The following DCC variants were observed in gnomAD, a reference collection of about 807,000 sequenced individuals.
DCC encodes netrin receptor DCC.
DCC carries 58 observed loss-of-function variants against 172.5 expected under a neutral mutation model. The ratio of observed to expected loss-of-function variants is 0.34; its 90% CI spans 0.27 to 0.42. The LOEUF is 0.42. Ranked by LOEUF, DCC falls within the 10% of genes least tolerant of loss-of-function variation. DCC has a pLI of 1.00. For missense variants in DCC, 1,740 were observed against 1,791.0 expected (o/e 0.97, Z 0.51); for synonymous variants, 709 against 644.5 (o/e 1.10, Z -1.52).
At chr18:53,457,310 G>A (rs1052544540) in intron 23 of DCC, among the ~76,000 whole-genome samples, 1 of 152,184 alleles carries the variant, frequency 6.6e-6, no homozygotes, top group South Asian at 2.1e-4. Flanking sequence ...ATGGAAACTA[G>A]CAAATAAATG....
chr18:53,420,398 ACTT>A (rs1910577385), intron 21 of DCC, among the ~76,000 whole-genome samples: 1 of 152,098 alleles, frequency 6.6e-6, no homozygotes, highest in African/African-American at 2.4e-5. Flanking sequence ...TGATCCTGAC[ACTT>A]CTTTATTTCA....
At position 52,610,164 on chromosome 18, in the gene DCC, AAAAAAAAAAAAAAAATATATATAT is replaced by A. The variant is rs1300329252; in HGVS notation, c.92-141888_92-141865del. ...CCCCATCTCTCATAAAAAAAAAAAA[AAAAAAAAAAAAAAAATATATATAT>A]ATATATATATATATATATATATATA... is the stretch of plus-strand genomic sequence containing the variant. On this transcript the variant is annotated intron_variant, in intron 1 of 28. Coordinates refer to ENST00000442544, the MANE Select transcript of DCC (RefSeq NM_005215.4). Among the ~76,000 whole-genome samples, 168 of 22,354 alleles carry A rather than the reference AAAAAAAAAAAAAAAATATATATAT, an allele frequency of 7.5e-3. 5 individuals are homozygous for A. The highest frequency in any genetic ancestry group is 7.8e-3 in the Non-Finnish European group (108 of 13,798). 14.7% of individuals were successfully genotyped at this position (22,354 alleles called of 152,430 possible).
chr18:53,010,776 T>C (rs7243470), intron 5 of DCC, among the ~76,000 whole-genome samples: 6 of 150,976 alleles, frequency 4.0e-5, no homozygotes, highest in African/African-American at 1.5e-4. Context: ...AAATACTCTT[T>C]ACATTACACA....
Position 52,662,886 on chromosome 18 carries a change from G to A in DCC, c.92-89168G>A, listed in dbSNP as rs566250721. On this transcript the variant is annotated intron_variant, in intron 1 of 28. Coordinates refer to ENST00000442544, the MANE Select transcript of DCC (RefSeq NM_005215.4). The stretch of plus-strand genomic sequence containing the variant: ...GTCCTCATGTGGTGGAAGTGACAAT[G>A]CAACTCACTGGGTTTATTTTATAAG... Among the ~76,000 whole-genome samples, 7 of 152,244 alleles carry A rather than the reference G, an allele frequency of 4.6e-5. No individual in the cohort carries two copies. The East Asian group carries it at 1.4e-3, about 29-fold the overall frequency.
chr18:52,817,095 ATTAT>A (rs749413448), intron 2 of DCC, among the ~76,000 whole-genome samples: 4 of 152,152 alleles, frequency 2.6e-5, no homozygotes, highest in Middle Eastern at 3.2e-3. Flanking sequence ...CTTGATCCAA[ATTAT>A]TTATTGTTGA....
At chr18:52,748,963 G>A (rs930847780) in intron 1 of DCC, among the ~76,000 whole-genome samples, 2 of 152,220 alleles carry the variant, frequency 1.3e-5, no homozygotes, top group Non-Finnish European at 2.9e-5. Flanking sequence ...TCGGGAGGCT[G>A]AGGCAGGTGG....
chr18:52,638,258 G>A (rs112796597), intron 1 of DCC, among the ~76,000 whole-genome samples: 4,717 of 149,938 alleles, frequency 0.031, 232 homozygotes, highest in African/African-American at 0.11. Context: ...AAAAATACCA[G>A]TTAAAAAGCA....
chr18:53,254,289 A>C (rs2056477406), intron 12 of DCC, among the ~76,000 whole-genome samples: 1 of 152,072 alleles, frequency 6.6e-6, no homozygotes, highest in Non-Finnish European at 1.5e-5. Context: ...CACACTTGAA[A>C]GAAGATAATG....
chr18:52,461,763 TGTG>T (rs1988638494), intron 1 of DCC, among the ~76,000 whole-genome samples: 1 of 152,104 alleles, frequency 6.6e-6, no homozygotes, highest in Admixed American at 6.6e-5. Context: ...AAGATTTATT[TGTG>T]GTGATCTCCT....
chr18:52,383,395 A>G (rs1232391924), intron 1 of DCC, among the ~76,000 whole-genome samples: 1 of 152,028 alleles, frequency 6.6e-6, no homozygotes, highest in Non-Finnish European at 1.5e-5. Flanking sequence ...TTTTTATGTG[A>G]TGGTTAGACA....
chr18:53,259,613 A>G (rs2056568883), intron 12 of DCC, among the ~76,000 whole-genome samples: 1 of 150,756 alleles, frequency 6.6e-6, no homozygotes, highest in Non-Finnish European at 1.5e-5. Flanking sequence ...TTTGTGGGTA[A>G]CCTGACCTTT....
intron 5 of DCC, among the ~76,000 whole-genome samples, chr18:52,941,463 C>A (rs2040461615): frequency 6.7e-6 from 1 of 149,432 alleles, no homozygotes; most frequent in Non-Finnish European, 1.5e-5. Context: ...TTTAAATATT[C>A]TTTAACATAC....
chr18:52,449,680 C>T (rs967610865), intron 1 of DCC, among the ~76,000 whole-genome samples: 2 of 152,168 alleles, frequency 1.3e-5, no homozygotes, highest in Non-Finnish European at 2.9e-5. Context: ...GGGGTGTCCC[C>T]ACCCAAATCT....
intron 1 of DCC, among the ~76,000 whole-genome samples, chr18:52,415,096 T>C (rs1986973598): frequency 1.3e-5 from 2 of 152,230 alleles, no homozygotes; most frequent in African/African-American, 4.8e-5. Context: ...CTGAGATTTT[T>C]TCATTATCAT....
At chr18:53,432,123 T>A (rs1357698866) in intron 21 of DCC, among the ~76,000 whole-genome samples, 1 of 152,174 alleles carries the variant, frequency 6.6e-6, no homozygotes, top group Non-Finnish European at 1.5e-5. Flanking sequence ...AATAATACTT[T>A]TGATAAGAAT....
chr18:52,953,000 CAAAAA>C lies in DCC; in HGVS notation c.985+27654_985+27658del, dbSNP rs11315976. ...GCACCACAGTAAGACTCTCCTGTCT[CAAAAA>C]AAAAAAAAAAAAAAAAAAAAAAACT... is the stretch of plus-strand genomic sequence containing the variant. On this transcript the variant is annotated intron_variant, in intron 5 of 28. Coordinates refer to ENST00000442544, the MANE Select transcript of DCC (RefSeq NM_005215.4). Among the ~76,000 whole-genome samples, 66 of 52,218 alleles carry C rather than the reference CAAAAA, an allele frequency of 1.3e-3. 1 individual carries two copies. The highest frequency in any genetic ancestry group is 2.9e-3 in the African/African-American group (35 of 12,260). 34.3% of individuals were successfully genotyped at this position (52,218 alleles called of 152,430 possible).
rs182520066 is a variant in DCC, at chr18:53,169,384, C to T, written c.1419-9578C>T. Among the ~76,000 whole-genome samples, 4 of 152,308 alleles carry T rather than the reference C, an allele frequency of 2.6e-5. No individual in the cohort carries two copies. The East Asian group carries it at 7.7e-4, about 29-fold the overall frequency. On this transcript the variant is annotated intron_variant, in intron 8 of 28. Coordinates refer to ENST00000442544, the MANE Select transcript of DCC (RefSeq NM_005215.4). ...AAAGTCCAAGTGGACAAGTTGTCTA[C>T]AGACTTTTTAGCATGAGGAATCAGA...
At chr18:52,948,381 C>T (rs954456120) in intron 5 of DCC, among the ~76,000 whole-genome samples, 22 of 151,986 alleles carry the variant, frequency 1.4e-4, no homozygotes, top group African/African-American at 5.3e-4. Flanking sequence ...GAGCTTCTAT[C>T]ATTATGAATG....
chr18:52,790,201 A>G (rs1434336755), intron 2 of DCC, among the ~76,000 whole-genome samples: 3 of 152,214 alleles, frequency 2.0e-5, no homozygotes, highest in Non-Finnish European at 4.4e-5. Flanking sequence ...GGAAGCCTGT[A>G]GCCAAGTTTG....
Sources: gnomAD v4.1 joint callset for allele counts (sites outside exome capture counted in the v4.1 genomes callset) on GRCh38, gnomAD v4.1.1 for gene constraint, MANE v1.5 for transcripts, NCBI Gene and HGNC (gene_info 2026-07-23, HGNC 2026-07-21) for gene names.